SPRED2: variants seen among roughly 807,000 people sequenced by gnomAD.
The protein encoded by SPRED2 is sprouty related EVH1 domain containing 2, also known as sprouty-related, EVH1 domain-containing protein 2.
SPRED2 carries 47 observed loss-of-function variants against 43.0 expected under a neutral mutation model. The observed-to-expected ratio is 1.09, with a 90% CI of 0.87 to 1.40. The LOEUF (loss-of-function observed/expected upper bound fraction) is 1.40, where lower values mean the gene tolerates loss of function less well. Among genes scored for constraint, SPRED2 ranks in the 40% most tolerant of loss-of-function variants. The pLI is 0.00. For missense variants in SPRED2, 561 were observed against 586.4 expected (o/e 0.96, Z 0.45); for synonymous variants, 225 against 225.7 (o/e 1.00, Z 0.03).
chr2:65,406,334 T>A (rs1368782050), intron 1 of SPRED2, among the ~76,000 whole-genome samples: 1 of 152,198 alleles, frequency 6.6e-6, no homozygotes, highest in African/African-American at 2.4e-5. Context: ...CCCATTCTTA[T>A]AATTTACTCT....
intron 2 of SPRED2, among the ~76,000 whole-genome samples, chr2:65,340,026 A>C (rs1198246114): frequency 6.6e-6 from 1 of 152,254 alleles, no homozygotes; most frequent in East Asian, 1.9e-4. Context: ...GATATTAATG[A>C]GATCTTCAAA....
intron 1 of SPRED2, among the ~76,000 whole-genome samples, chr2:65,382,251 C>A (rs1675389402): frequency 6.6e-6 from 1 of 151,920 alleles, no homozygotes; most frequent in African/African-American, 2.4e-5. Flanking sequence ...GGGAAGAGTT[C>A]TGCATTTAAA....
chr2:65,332,110 G>T, intron 3 of SPRED2, 59 bp from the exon 4 acceptor site: 2 of 1,084,406 alleles, frequency 1.8e-6, no homozygotes, highest in Non-Finnish European at 1.3e-6. Flanking sequence ...AAATCCAACC[G>T]TTTAAAAAAG....
At chr2:65,346,787 C>A (rs1209228423) in intron 1 of SPRED2, among the ~76,000 whole-genome samples, 2 of 152,138 alleles carry the variant, frequency 1.3e-5, no homozygotes, top group African/African-American at 4.8e-5. Context: ...ACACCCTGAC[C>A]CCTCTCACAA....
At chr2:65,386,284 T>TGA (rs1675498446) in intron 1 of SPRED2, among the ~76,000 whole-genome samples, 1 of 21,744 alleles carries the variant, frequency 4.6e-5, no homozygotes. Context: ...AGACTCTGTC[T>TGA]CAAAAAAAAA....
intron 1 of SPRED2, among the ~76,000 whole-genome samples, chr2:65,352,323 G>GAAAA (rs1674534894): frequency 1.3e-5 from 2 of 152,256 alleles, no homozygotes; most frequent in Non-Finnish European, 2.9e-5. Context: ...TACAGAAGGT[G>GAAAA]AAAAGTGGGC....
At chr2:65,372,841 C>T (rs1675160147) in intron 1 of SPRED2, among the ~76,000 whole-genome samples, 1 of 152,204 alleles carries the variant, frequency 6.6e-6, no homozygotes, top group Non-Finnish European at 1.5e-5. Flanking sequence ...CAGGCCAACT[C>T]AACCCATTCT....
At chr2:65,407,231 T>C (rs912376020) in intron 1 of SPRED2, among the ~76,000 whole-genome samples, 3 of 132,600 alleles carry the variant, frequency 2.3e-5, no homozygotes, top group Non-Finnish European at 3.2e-5. Context: ...CTTTCTCAAA[T>C]GGGGCGCTGG....
In SPRED2 at chr2:65,312,394, C is replaced by T; in HGVS notation, c.*1107G>A. On this transcript the variant is annotated 3_prime_UTR_variant, in exon 6 of 6. Transcript: ENST00000356388. ...CATGAAGAAAATGCAACCCACCACT[C>T]TTCAAATTTATGACATTTAAAAATC... 1.0e-6 allele frequency: 1 copy of T among 985,390 alleles called. No individual in the cohort carries two copies. Among genetic ancestry groups the T allele is most frequent in the Non-Finnish European group, 1.2e-6 (1 of 829,932 alleles). 61.0% of individuals were successfully genotyped at this position (985,390 alleles called of 1,614,324 possible). A position where few individuals can be genotyped will look rare whatever the true frequency, so the allele number is the denominator to read the frequency against.
intron 1 of SPRED2, among the ~76,000 whole-genome samples, chr2:65,378,530 C>G (rs1675298284): frequency 2.0e-5 from 3 of 152,178 alleles, no homozygotes; most frequent in Admixed American, 6.5e-5. Context: ...TACTCTATCT[C>G]TGTCAATGTT....
At chr2:65,362,559 T>C (rs4289177) in intron 1 of SPRED2, among the ~76,000 whole-genome samples, 85,684 of 151,868 alleles carry the variant, frequency 0.56, 24,310 homozygotes, top group East Asian at 0.78. Flanking sequence ...CGTAAGCCAC[T>C]GCGCCCGGCC....
chr2:65,338,863 T>C (rs1449507614), intron 2 of SPRED2, among the ~76,000 whole-genome samples: 5 of 141,218 alleles, frequency 3.5e-5, no homozygotes, highest in Non-Finnish European at 6.2e-5. Context: ...GAGCGCCTCC[T>C]CCCGGCCGCC....
At chr2:65,391,170 A>C (rs1319055929) in intron 1 of SPRED2, among the ~76,000 whole-genome samples, 3 of 148,582 alleles carry the variant, frequency 2.0e-5, no homozygotes, top group Non-Finnish European at 4.5e-5. Flanking sequence ...TTCCTTTCAA[A>C]TGGGCACAAC....
At chr2:65,392,175 CT>C (rs70943649) in intron 1 of SPRED2, among the ~76,000 whole-genome samples, 8,265 of 98,660 alleles carry the variant, frequency 0.084, 188 homozygotes, top group African/African-American at 0.14. Context: ...TCCAGAATTT[CT>C]TTTTTTTTTT....
chr2:65,388,360 G>C (rs2103674789), intron 1 of SPRED2, among the ~76,000 whole-genome samples: 1 of 152,332 alleles, frequency 6.6e-6, no homozygotes, highest in East Asian at 1.9e-4. Flanking sequence ...ATGACGGTGA[G>C]GTCATGCCAG....
intron 4 of SPRED2, among the ~76,000 whole-genome samples, chr2:65,330,576 C>T (rs1673780121): frequency 6.6e-6 from 1 of 152,148 alleles, no homozygotes; most frequent in Non-Finnish European, 1.5e-5. Flanking sequence ...ATCAACATCC[C>T]CACCACGGTG....
chr2:65,317,652 T>C (rs1475522493), intron 4 of SPRED2, among the ~76,000 whole-genome samples: 2 of 151,992 alleles, frequency 1.3e-5, no homozygotes, highest in Non-Finnish European at 2.9e-5. Context: ...CAGGCAAAAA[T>C]GAAACCCACG....
chr2:65,366,963 C>T (rs1313500557), intron 1 of SPRED2, among the ~76,000 whole-genome samples: 1 of 152,042 alleles, frequency 6.6e-6, no homozygotes, highest in African/African-American at 2.4e-5. Context: ...GATGAAATGC[C>T]CAGGAAGCAA....
In SPRED2 at chr2:65,347,152, G is replaced by A. The variant is rs11695651; in HGVS notation, c.27-2256C>T. Reference sequence around the variant, plus strand: ...ACTCCAATAATTCTTTACCCTGTTGGGGCCAACAATCTATTGTTCTGACCA... The same window carrying A: ...ACTCCAATAATTCTTTACCCTGTTGAGGCCAACAATCTATTGTTCTGACCA... On this transcript the variant is annotated intron_variant, in intron 1 of 5. Transcript: ENST00000356388. 2.6e-3 allele frequency among the ~76,000 whole-genome samples: 398 copies of A among 151,956 alleles called. 3 individuals are homozygous for A. The highest frequency in any genetic ancestry group is 0.017 in the Middle Eastern group (5 of 294).
Sources: gnomAD v4.1 joint callset for allele counts (sites outside exome capture counted in the v4.1 genomes callset) on GRCh38, gnomAD v4.1.1 for gene constraint, MANE v1.5 for transcripts, NCBI Gene and HGNC (gene_info 2026-07-23, HGNC 2026-07-21) for gene names.